Variants in ATP9A observed in about 807,000 individuals in gnomAD.
The protein encoded by ATP9A is ATPase phospholipid transporting 9A.
In ATP9A, 52 loss-of-function variants were observed where a neutral mutation model predicts 144.1. The observed-to-expected ratio is 0.36, with a 90% confidence interval of 0.29 to 0.45. ATP9A has a LOEUF of 0.45. ATP9A is among the 20% of genes least tolerant of loss of function. The probability of loss-of-function intolerance (pLI) is 1.00; values close to 1 mark genes in which losing one functional copy is unlikely to be tolerated. For synonymous variants in ATP9A, 582 were observed against 557.4 expected (o/e 1.04, Z -0.62); for missense variants, 947 against 1,392.7 (o/e 0.68, Z 5.09).
chr20:51,688,686 G>A (rs1472438733), intron 9 of ATP9A, among the ~76,000 whole-genome samples: 2 of 152,120 alleles, frequency 1.3e-5, no homozygotes, highest in Non-Finnish European at 2.9e-5. Context: ...TCCAGCTCAA[G>A]CCCATGCCCT....
Position 51,689,990 on chromosome 20 carries a change from G to T in ATP9A, c.723+749C>A, listed in dbSNP as rs1240688012. On this transcript the variant is annotated intron_variant, in intron 8 of 27. Coordinates refer to ENST00000338821, the MANE Select transcript of ATP9A (RefSeq NM_006045.3). ...AGCCAGGCGTGGTGATGCACACCTG[G>T]AATCCCAGCTACTCAGGAAGCTAAG... 2.7e-5 allele frequency among the ~76,000 whole-genome samples: 4 copies of T among 150,490 alleles called. No homozygotes were observed. In the East Asian group the frequency reaches 6.1e-4, roughly 23 times the overall value.
At chr20:51,671,357 G>T in intron 11 of ATP9A, 100 bp from the exon 12 acceptor site, 1 of 1,380,760 alleles carries the variant, frequency 7.2e-7, no homozygotes, top group East Asian at 2.4e-5. Flanking sequence ...CATCGCATCC[G>T]GACTCACTCC....
intron 23 of ATP9A, 132 bp from the exon 24 acceptor site, chr20:51,610,297 G>T: frequency 1.5e-6 from 1 of 667,354 alleles, no homozygotes. Context: ...ACATGGATTT[G>T]CTCATTTCAT....
At chr20:51,619,684 C>T (rs1318126299) in intron 19 of ATP9A, among the ~76,000 whole-genome samples, 9 of 151,396 alleles carry the variant, frequency 5.9e-5, no homozygotes, top group Non-Finnish European at 2.9e-5. Context: ...GCCTGACCCA[C>T]ATGGAGAAAC....
Position 51,608,626 on chromosome 20 carries a change from C to A in ATP9A, c.2637G>T (p.Gly879=). Residue 879 remains glycine, a splice_region_variant and synonymous_variant, in exon 25 of 28, where the codon GGG becomes GGT. Coordinates refer to ENST00000338821, the MANE Select transcript of ATP9A (RefSeq NM_006045.3). Reference sequence around the variant, plus strand: ...GAAACATGGTGTAAATTGTGGAGTACCTGGGAGAGAAAACCGCCATAGGTA... The same window carrying A: ...GAAACATGGTGTAAATTGTGGAGTAACTGGGAGAGAAAACCGCCATAGGTA... ...VPLYQGFLII[G]YSTIYTMFPV... is the part of the protein sequence containing the mutation. The A allele has an allele frequency of 1.2e-6, 2 of 1,602,230 alleles. No homozygotes were observed. Among genetic ancestry groups the A allele is most frequent in the Non-Finnish European group, 8.6e-7 (1 of 1,169,210 alleles).
intron 18 of ATP9A, among the ~76,000 whole-genome samples, chr20:51,623,801 A>AAAAAAGAAAGAAAGAAAG (rs558189054): frequency 1.5e-5 from 2 of 133,390 alleles, no homozygotes; most frequent in African/African-American, 6.0e-5. Context: ...AAAAAAAAAA[A>AAAAAAGAAAGAAAGAAAG]AAAGAAAGAA....
chr20:51,754,278 G>T (rs1008247998), intron 1 of ATP9A, among the ~76,000 whole-genome samples: 1 of 151,894 alleles, frequency 6.6e-6, no homozygotes, highest in Admixed American at 6.6e-5. Context: ...AAGGCAGGTG[G>T]ATCACCTGAG....
chr20:51,765,902 G>A lies in ATP9A; in HGVS notation c.68+2400C>T, dbSNP rs559086805. On this transcript the variant is annotated intron_variant, in intron 1 of 27. Transcript: ENST00000338821. ...AACCCAGGAGGCAGAGGTTGCAGTG[G>A]GCCAAGACCAAGGCATTGCACTCCA... Among the ~76,000 whole-genome samples, 17 of 152,020 alleles carry A rather than the reference G, an allele frequency of 1.1e-4. 1 individual carries two copies. The highest frequency in any genetic ancestry group is 3.9e-4 in the African/African-American group (16 of 41,474).
chr20:51,620,419 G>A (rs911609008), intron 19 of ATP9A, among the ~76,000 whole-genome samples: 3 of 152,146 alleles, frequency 2.0e-5, no homozygotes, highest in Non-Finnish European at 4.4e-5. Flanking sequence ...ACCTGTAGGG[G>A]AAATACAGGG....
intron 3 of ATP9A, among the ~76,000 whole-genome samples, chr20:51,722,837 G>A (rs942098918): frequency 1.3e-5 from 2 of 152,186 alleles, no homozygotes; most frequent in Admixed American, 6.5e-5. Context: ...CCCACTACTG[G>A]GTTCTACCCT....
rs1472199981 is a variant in ATP9A, at chr20:51,730,740, C to T, written c.69-762G>A. Among the ~76,000 whole-genome samples the T allele has an allele frequency of 3.3e-5, 5 of 152,138 alleles. No homozygotes were observed. In the East Asian group the frequency reaches 9.6e-4, roughly 29 times the overall value. On this transcript the variant is annotated intron_variant, in intron 1 of 27. Transcript: ENST00000338821. ...GGCAGTGGTAGCACAATGGTAAGTA[C>T]TTGTGTCTCTAAACATATCTACATA... is the stretch of plus-strand genomic sequence containing the variant.
chr20:51,636,682 A>T (rs187864795), intron 15 of ATP9A, among the ~76,000 whole-genome samples: 1 of 147,946 alleles, frequency 6.8e-6, no homozygotes, highest in Non-Finnish European at 1.5e-5. Context: ...TGTGAACTTG[A>T]ACGGTTTCTG....
intron 1 of ATP9A, among the ~76,000 whole-genome samples, chr20:51,749,477 T>C (rs1341784948): frequency 6.6e-6 from 1 of 152,188 alleles, no homozygotes; most frequent in Non-Finnish European, 1.5e-5. Flanking sequence ...TTGACCAGGC[T>C]GGTCTCAAAC....
chr20:51,646,486 A>G lies in ATP9A; in HGVS notation c.1507-6982T>C, dbSNP rs564113231. 7.2e-5 allele frequency among the ~76,000 whole-genome samples: 11 copies of G among 152,336 alleles called. No homozygotes were observed. In the East Asian group the frequency reaches 1.7e-3, roughly 24 times the overall value. ...CAAAATTATAAATCTATCCACAGAC[A>G]CACGGTTTTCTTCACTCAATACGAA... On this transcript the variant is annotated intron_variant, in intron 14 of 27. Coordinates refer to ENST00000338821, the MANE Select transcript of ATP9A (RefSeq NM_006045.3).
At chr20:51,649,823 G>A (rs2077356377) in intron 14 of ATP9A, among the ~76,000 whole-genome samples, 1 of 149,942 alleles carries the variant, frequency 6.7e-6, no homozygotes, top group Admixed American at 6.8e-5. Flanking sequence ...TGAGGCAAGA[G>A]AATTGCTTGT....
intron 12 of ATP9A, 42 bp downstream of exon 12, chr20:51,671,073 C>G: frequency 6.3e-7 from 1 of 1,598,722 alleles, no homozygotes; most frequent in Non-Finnish European, 8.6e-7. Context: ...CAGGCATCTT[C>G]TCTCACCAGG....
intron 1 of ATP9A, among the ~76,000 whole-genome samples, chr20:51,767,073 CTTTTTTT>C: frequency 7.1e-6 from 1 of 140,766 alleles, no homozygotes; most frequent in South Asian, 2.4e-4. Context: ...CAGCACCATT[CTTTTTTT>C]TTTTTTTTTT....
intron 13 of ATP9A, among the ~76,000 whole-genome samples, chr20:51,662,846 G>A (rs888583526): frequency 2.0e-5 from 3 of 151,880 alleles, no homozygotes; most frequent in Non-Finnish European, 4.4e-5. Context: ...TGAGGCGGGC[G>A]GATCACCTGA....
intron 1 of ATP9A, among the ~76,000 whole-genome samples, chr20:51,733,839 A>G (rs2077752437): frequency 6.6e-6 from 1 of 151,300 alleles, no homozygotes; most frequent in Non-Finnish European, 1.5e-5. Context: ...ATGCCTGGCT[A>G]ATTTTTTAAT....
Sources: gnomAD v4.1 joint callset for allele counts (sites outside exome capture counted in the v4.1 genomes callset) on GRCh38, gnomAD v4.1.1 for gene constraint, MANE v1.5 for transcripts, NCBI Gene and HGNC (gene_info 2026-07-23, HGNC 2026-07-21) for gene names.